The following CHN2 variants were observed in gnomAD, a reference collection of about 807,000 sequenced individuals.
CHN2 encodes beta-chimaerin.
Under a neutral mutation model 56.3 loss-of-function variants are expected in CHN2, and 35 were observed. The ratio of observed to expected loss-of-function variants is 0.62; its 90% CI spans 0.47 to 0.82. The LOEUF is 0.82. CHN2 is among the 40% of genes least tolerant of loss of function. The probability of loss-of-function intolerance (pLI) is 0.00; values close to 1 mark genes in which losing one functional copy is unlikely to be tolerated. For synonymous variants in CHN2, 210 were observed against 212.8 expected (o/e 0.99, Z 0.12); for missense variants, 491 against 580.5 (o/e 0.85, Z 1.58).
At chr7:29,273,789 G>A (rs1790950808) in intron 1 of CHN2, among the ~76,000 whole-genome samples, 1 of 151,672 alleles carries the variant, frequency 6.6e-6, no homozygotes, top group Non-Finnish European at 1.5e-5. Context: ...TTAATGGGAG[G>A]TGGTTGGATT....
chr7:29,313,277 A>G (rs1310551880), intron 1 of CHN2, among the ~76,000 whole-genome samples: 1 of 152,182 alleles, frequency 6.6e-6, no homozygotes, highest in Non-Finnish European at 1.5e-5. Flanking sequence ...TAATGCCTGC[A>G]TTCAGGTTTT....
rs1420138561 is a variant in CHN2, at chr7:29,507,317, A to G, written c.1081A>G (p.Ile361Val). 1 of 1,612,930 alleles carries G rather than the reference A, an allele frequency of 6.2e-7. No homozygotes were observed. Among genetic ancestry groups the G allele is most frequent in the East Asian group, 2.2e-5 (1 of 44,882 alleles). The stretch of plus-strand genomic sequence containing the variant: ...TAAACTGTATTTCAGAGACTTACCC[A>G]TCCCTGTCATCACATATGATACCTA... The part of the protein sequence containing the change: ...ALKLYFRDLP[I>V]PVITYDTYSK... Residue 361 changes from isoleucine to valine, a missense_variant, in exon 11 of 13, where the codon ATC becomes GTC. Transcript: ENST00000222792.
At chr7:29,247,742 A>T (rs2128815612) in intron 1 of CHN2, among the ~76,000 whole-genome samples, 1 of 152,326 alleles carries the variant, frequency 6.6e-6, no homozygotes, top group African/African-American at 2.4e-5. Flanking sequence ...TCCACTGGGA[A>T]AGGAGCTGTT....
chr7:29,236,236 G>A (rs543272431), intron 1 of CHN2, among the ~76,000 whole-genome samples: 2 of 152,348 alleles, frequency 1.3e-5, no homozygotes, highest in South Asian at 4.1e-4. Flanking sequence ...TAAAAGGCAT[G>A]ATAAGTGTAT....
At chr7:29,272,399 A>T (rs886813994) in intron 1 of CHN2, among the ~76,000 whole-genome samples, 2 of 152,170 alleles carry the variant, frequency 1.3e-5, no homozygotes, top group African/African-American at 4.8e-5. Context: ...AGGGAGAATA[A>T]ACTATTGTGA....
At chr7:29,247,725 C>T (rs576226954) in intron 1 of CHN2, among the ~76,000 whole-genome samples, 1 of 152,344 alleles carries the variant, frequency 6.6e-6, no homozygotes, top group South Asian at 2.1e-4. Context: ...GTGGTATCAC[C>T]GCCTGATCCA....
intron 6 of CHN2, among the ~76,000 whole-genome samples, chr7:29,417,057 G>A (rs1395619269): frequency 6.6e-6 from 1 of 152,120 alleles, no homozygotes; most frequent in Non-Finnish European, 1.5e-5. Flanking sequence ...CATCTCACCT[G>A]CACCTTCTTC....
At chr7:29,421,841 C>T (rs996834042) in intron 6 of CHN2, among the ~76,000 whole-genome samples, 2 of 152,116 alleles carry the variant, frequency 1.3e-5, no homozygotes, top group African/African-American at 2.4e-5. Flanking sequence ...ATTTGAACAC[C>T]GGCCCATATA....
upstream of CHN2, among the ~76,000 whole-genome samples, chr7:29,191,186 C>G (rs752454663): frequency 1.3e-5 from 2 of 152,186 alleles, no homozygotes; most frequent in African/African-American, 4.8e-5. Flanking sequence ...CCCACCTCAA[C>G]TTACTGAGTC....
chr7:29,222,284 G>T lies in CHN2; in HGVS notation c.49+27294G>T, dbSNP rs368330470. 3.9e-5 allele frequency among the ~76,000 whole-genome samples: 6 copies of T among 152,218 alleles called. No homozygotes were observed. In the East Asian group the frequency reaches 9.6e-4, roughly 24 times the overall value. ...TCAATATCGTGAAAATGACCATACT[G>T]CCCAAAGTAATTTATAGATTCAATG... On this transcript the variant is annotated intron_variant, in intron 1 of 12. Coordinates refer to ENST00000222792, the MANE Select transcript of CHN2 (RefSeq NM_004067.4).
intron 6 of CHN2, among the ~76,000 whole-genome samples, chr7:29,452,761 CATTTT>C (rs770183683): frequency 9.2e-5 from 14 of 152,316 alleles, no homozygotes; most frequent in South Asian, 2.1e-4. Context: ...TAGCATGAAA[CATTTT>C]ATAGGAAGAG....
In CHN2 at chr7:29,261,907, C is replaced by T. The variant is rs537223978; in HGVS notation, c.49+66917C>T. ...GGTGCACCAGGCGTGGTGGGTTACA[C>T]CTGTAATCCAAGCACTTTGGGAGGC... On this transcript the variant is annotated intron_variant, in intron 1 of 12. Transcript: ENST00000222792. 5.0e-4 allele frequency among the ~76,000 whole-genome samples: 76 copies of T among 152,262 alleles called. 1 individual carries two copies. The South Asian group carries it at 0.011, about 21-fold the overall frequency.
chr7:29,352,373 G>A (rs1199158281), intron 1 of CHN2, among the ~76,000 whole-genome samples: 1 of 151,952 alleles, frequency 6.6e-6, no homozygotes, highest in Non-Finnish European at 1.5e-5. Flanking sequence ...GTGTGTATGT[G>A]TGTGTGTCTC....
chr7:29,180,961 A>G (rs1695455408), intron 2 of CHN2, among the ~76,000 whole-genome samples: 2 of 152,240 alleles, frequency 1.3e-5, no homozygotes, highest in Admixed American at 6.5e-5. Context: ...CCCAGTACTT[A>G]CTATTATTTT....
intron 1 of CHN2, among the ~76,000 whole-genome samples, chr7:29,272,190 G>T (rs551663285): frequency 6.6e-6 from 1 of 152,088 alleles, no homozygotes; most frequent in Admixed American, 6.5e-5. Flanking sequence ...CACGGAGTCC[G>T]CCACGGTCTC....
intron 9 of CHN2, among the ~76,000 whole-genome samples, chr7:29,503,814 T>C (rs1339755455): frequency 1.3e-5 from 2 of 152,222 alleles, no homozygotes; most frequent in Admixed American, 6.5e-5. Flanking sequence ...GGCTATTTGT[T>C]TGCTCATTTT....
intron 12 of CHN2, among the ~76,000 whole-genome samples, 169 bp from the exon 13 acceptor site, chr7:29,512,395 A>C (rs3750101): frequency 0.1 from 15,294 of 152,186 alleles, 2,137 homozygotes; most frequent in African/African-American, 0.32. Flanking sequence ...TTAAAACGAA[A>C]AATCAGTAAA....
At chr7:29,483,993 G>A (rs1189491556) in intron 7 of CHN2, 1 of 691,858 alleles carries the variant, frequency 1.4e-6, no homozygotes, top group Non-Finnish European at 2.3e-6. Context: ...TTCATTTGAT[G>A]TTAGCATCTA....
chr7:29,451,818 C>T (rs553010390), intron 6 of CHN2, among the ~76,000 whole-genome samples: 218 of 152,288 alleles, frequency 1.4e-3, no homozygotes, highest in South Asian at 8.7e-3. Flanking sequence ...CCGAGACAGG[C>T]CCAAACCCAG....
Sources: gnomAD v4.1 joint callset for allele counts (sites outside exome capture counted in the v4.1 genomes callset) on GRCh38, gnomAD v4.1.1 for gene constraint, MANE v1.5 for transcripts, NCBI Gene and HGNC (gene_info 2026-07-23, HGNC 2026-07-21) for gene names.